Variants in XRCC4 observed in about 807,000 individuals in gnomAD.
The protein encoded by XRCC4 is DNA repair protein XRCC4.
XRCC4 carries 28 observed loss-of-function variants against 39.1 expected under a neutral mutation model. That is an observed-to-expected ratio of 0.72 (90% CI 0.53 to 0.98). XRCC4 has a LOEUF of 0.98. Among genes scored for constraint, XRCC4 ranks in the 50% least tolerant of loss-of-function variants. XRCC4 has a pLI of 0.00. For synonymous variants in XRCC4, 123 were observed against 126.4 expected, an observed-to-expected ratio of 0.97 and a Z score of 0.18; for missense variants, 350 against 376.4, an observed-to-expected ratio of 0.93 and a Z score of 0.58.
At chr5:83,302,634 C>T (rs550898153) in intron 7 of XRCC4, among the ~76,000 whole-genome samples, 3 of 152,226 alleles carry the variant, frequency 2.0e-5, no homozygotes, top group African/African-American at 4.8e-5. Context: ...TGTTCTTATT[C>T]GGCCATCTTG....
At chr5:83,176,611 G>T (rs1749968304) in intron 3 of XRCC4, among the ~76,000 whole-genome samples, 1 of 150,516 alleles carries the variant, frequency 6.6e-6, no homozygotes, top group African/African-American at 2.5e-5. Flanking sequence ...GATACAATAG[G>T]CATATAAAGT....
chr5:83,303,310 A>C (rs760051046), intron 7 of XRCC4, among the ~76,000 whole-genome samples: 28 of 152,122 alleles, frequency 1.8e-4, no homozygotes, highest in Non-Finnish European at 3.2e-4. Flanking sequence ...CTAGCTGTAA[A>C]ATTAAGTGAA....
chr5:83,171,088 C>G (rs562026870), intron 3 of XRCC4, among the ~76,000 whole-genome samples: 80 of 152,094 alleles, frequency 5.3e-4, no homozygotes, highest in Non-Finnish European at 5.9e-4. Context: ...GCACTCATTC[C>G]CATTCTTACA....
intron 3 of XRCC4, among the ~76,000 whole-genome samples, chr5:83,153,139 A>T (rs558885067): frequency 6.6e-6 from 1 of 152,022 alleles, no homozygotes; most frequent in South Asian, 2.1e-4. Context: ...ATCTTTTAGG[A>T]CTGGCTTTTT....
intron 7 of XRCC4, among the ~76,000 whole-genome samples, chr5:83,287,085 CCTCAGTATAAT>C (rs1351992911): frequency 3.3e-5 from 5 of 152,020 alleles, no homozygotes; most frequent in Admixed American, 6.6e-5. Context: ...AGGCATACTG[CCTCAGTATAAT>C]GACACAGAGT....
chr5:83,173,606 A>G (rs559881180), intron 3 of XRCC4, among the ~76,000 whole-genome samples: 1 of 152,334 alleles, frequency 6.6e-6, no homozygotes, highest in South Asian at 2.1e-4. Context: ...TATTAGAAAT[A>G]TTCATACATA....
At chr5:83,125,105 C>G (rs1479900019) in intron 3 of XRCC4, among the ~76,000 whole-genome samples, 1 of 152,114 alleles carries the variant, frequency 6.6e-6, no homozygotes, top group South Asian at 2.1e-4. Context: ...AAAATCTTTT[C>G]ATATGTTTAT....
At chr5:83,219,523 TGATGA>T (rs2112783501) in intron 6 of XRCC4, among the ~76,000 whole-genome samples, 1 of 152,206 alleles carries the variant, frequency 6.6e-6, no homozygotes, top group African/African-American at 2.4e-5. Flanking sequence ...ATAGACGAGA[TGATGA>T]GATAAGAAGA....
chr5:83,323,067 G>A (rs1185507930), intron 7 of XRCC4, among the ~76,000 whole-genome samples: 1 of 152,062 alleles, frequency 6.6e-6, no homozygotes, highest in African/African-American at 2.4e-5. Flanking sequence ...CATGGGTGGA[G>A]TATTGACTCT....
At chr5:83,281,931 A>T (rs1580461624) in intron 7 of XRCC4, among the ~76,000 whole-genome samples, 4 of 152,230 alleles carry the variant, frequency 2.6e-5, no homozygotes, top group African/African-American at 7.2e-5. Context: ...GCCTGGACAG[A>T]TCATTGTCCA....
intron 6 of XRCC4, among the ~76,000 whole-genome samples, chr5:83,208,331 T>C (rs2112744445): frequency 6.6e-6 from 1 of 152,186 alleles, no homozygotes; most frequent in Non-Finnish European, 1.5e-5. Flanking sequence ...TACTGTCCCA[T>C]TTAAATGAAA....
In XRCC4 at chr5:83,085,777, G is replaced by A. The variant is rs28383130; in HGVS notation, c.-11+8162G>A. On this transcript the variant is annotated intron_variant, in intron 1 of 7. Coordinates refer to ENST00000396027, the MANE Select transcript of XRCC4 (RefSeq NM_003401.5). ...TTCTTAAATGGCAACATAGAAAATA[G>A]AAGTTTTTGCACTTTAGATGTGATA... Among the ~76,000 whole-genome samples, 744 of 152,290 alleles carry A rather than the reference G, an allele frequency of 4.9e-3. 8 individuals are homozygous for A. Among genetic ancestry groups the A allele is most frequent in the African/African-American group, 0.017 (712 of 41,562 alleles).
intron 7 of XRCC4, among the ~76,000 whole-genome samples, chr5:83,276,476 T>TC (rs1433316098): frequency 1.7e-5 from 2 of 120,426 alleles, no homozygotes; most frequent in Admixed American, 9.8e-5. Flanking sequence ...TAATGGGTTA[T>TC]CATGGGAATG....
intron 3 of XRCC4, among the ~76,000 whole-genome samples, chr5:83,183,664 T>C (rs1022313377): frequency 1.6e-4 from 24 of 152,110 alleles, no homozygotes; most frequent in African/African-American, 5.1e-4. Flanking sequence ...TGGTCCAGAG[T>C]TTATAATTGT....
In XRCC4 at chr5:83,209,006, C is replaced by A. The variant is rs1413634756; in HGVS notation, c.745+4085C>A. 4.6e-5 allele frequency among the ~76,000 whole-genome samples: 7 copies of A among 151,636 alleles called. No homozygotes were observed. The East Asian group carries it at 1.4e-3, about 29-fold the overall frequency. Reference sequence around the variant, plus strand: ...CTAGAAAAGTAGGGATCACTTTCACCCCTATCTAGTTGGTATTAAGTACTT... The same window carrying A: ...CTAGAAAAGTAGGGATCACTTTCACACCTATCTAGTTGGTATTAAGTACTT... On this transcript the variant is annotated intron_variant, in intron 6 of 7. Transcript: ENST00000396027.
At chr5:83,280,437 G>T in intron 7 of XRCC4, 1 of 677,790 alleles carries the variant, frequency 1.5e-6, no homozygotes, top group Non-Finnish European at 2.7e-6. Context: ...CCGCAATTTT[G>T]AAGAAAGTTC....
rs149886379 is a variant in XRCC4 at position 83,209,672 on chromosome 5, A to G, written c.745+4751A>G. On this transcript the variant is annotated intron_variant, in intron 6 of 7. Transcript: ENST00000396027. ...TAGCTATCATAAGGCTAATGATTTT[A>G]ATTCCTCACTAATTATTTTAATATA... 4.4e-3 allele frequency among the ~76,000 whole-genome samples: 674 copies of G among 152,204 alleles called. 5 individuals carry two copies. Among genetic ancestry groups the G allele is most frequent in the African/African-American group, 0.015 (640 of 41,568 alleles).
intron 7 of XRCC4, among the ~76,000 whole-genome samples, chr5:83,300,580 C>CTTTTTTTTTTTTT (rs70973390): frequency 8.2e-6 from 1 of 122,094 alleles, no homozygotes. Flanking sequence ...GTGTGTGTCC[C>CTTTTTTTTTTTTT]TTTTTTTTTT....
At chr5:83,315,230 T>C (rs1041391821) in intron 7 of XRCC4, among the ~76,000 whole-genome samples, 4 of 152,014 alleles carry the variant, frequency 2.6e-5, no homozygotes, top group African/African-American at 9.7e-5. Flanking sequence ...GCCCTAACTC[T>C]CATCAATTCT....
Sources: allele counts gnomAD v4.1 joint callset (sites outside exome capture counted in the v4.1 genomes callset), GRCh38; gene constraint gnomAD v4.1.1; transcripts MANE v1.5; gene names NCBI Gene and HGNC (gene_info 2026-07-23, HGNC 2026-07-21).